RPS6KC1: variants seen among roughly 807,000 people sequenced by gnomAD.
RPS6KC1 encodes ribosomal protein S6 kinase C1, also known as inactive ribosomal protein S6 kinase delta-1.
A neutral mutation model predicts 103.8 loss-of-function variants in RPS6KC1; 54 were observed. The observed-to-expected ratio is 0.52, with a 90% CI of 0.42 to 0.65. The LOEUF (loss-of-function observed/expected upper bound fraction) is 0.65. RPS6KC1 is among the 30% of genes least tolerant of loss of function. The probability of loss-of-function intolerance (pLI) is 0.00; values close to 1 mark genes in which losing one functional copy is unlikely to be tolerated. For missense variants in RPS6KC1, 1,151 were observed against 1,253.8 expected, an observed-to-expected ratio of 0.92 and a Z score of 1.24; for synonymous variants, 439 against 438.7, an observed-to-expected ratio of 1.00 and a Z score of -0.01.
the RPS6KC1 span, among the ~76,000 whole-genome samples, chr1:213,862,512 A>AT: frequency 1.0e-3 from 150 of 150,114 alleles, no homozygotes; most frequent in African/African-American, 1.4e-3. Context: ...TAAAGCAGCG[A>AT]TTTTTTTTTT....
chr1:213,590,952 A>G, the RPS6KC1 span, among the ~76,000 whole-genome samples: 5 of 152,138 alleles, frequency 3.3e-5, no homozygotes, highest in East Asian at 7.7e-4. Context: ...TTAGTGGGAT[A>G]AACTGCAGCC....
the RPS6KC1 span, among the ~76,000 whole-genome samples, chr1:213,710,906 C>T: frequency 6.6e-6 from 1 of 152,148 alleles, no homozygotes; most frequent in Non-Finnish European, 1.5e-5. Flanking sequence ...GATGGGTTTC[C>T]CTGTATGGAT....
At chr1:213,472,524 T>C in the RPS6KC1 span, among the ~76,000 whole-genome samples, 1 of 152,224 alleles carries the variant, frequency 6.6e-6, no homozygotes, top group Non-Finnish European at 1.5e-5. Context: ...AAATCAGTGA[T>C]GTTTGATGTT....
the RPS6KC1 span, among the ~76,000 whole-genome samples, chr1:213,515,355 G>A: frequency 2.0e-5 from 3 of 152,106 alleles, no homozygotes; most frequent in African/African-American, 4.8e-5. Context: ...GGGTTTTTAC[G>A]TTGTTAGGTC....
the RPS6KC1 span, chr1:213,820,854 T>C: frequency 1.3e-5 from 2 of 152,074 alleles, no homozygotes; most frequent in South Asian, 2.1e-4. Context: ...GAGAGTTGTC[T>C]CTTATTTAAG....
chr1:213,164,423 A>T (rs1003128712), intron 6 of RPS6KC1, among the ~76,000 whole-genome samples: 1 of 152,212 alleles, frequency 6.6e-6, no homozygotes, highest in Admixed American at 6.5e-5. Context: ...CACACACTAT[A>T]ATCACCCTGT....
intron 3 of RPS6KC1, among the ~76,000 whole-genome samples, chr1:213,082,828 A>G (rs2080025199): frequency 6.6e-6 from 1 of 152,220 alleles, no homozygotes; most frequent in Non-Finnish European, 1.5e-5. Flanking sequence ...CTTCTGAGCA[A>G]ATATGGCCTA....
the RPS6KC1 span, among the ~76,000 whole-genome samples, chr1:213,711,799 G>A: frequency 6.6e-6 from 1 of 152,156 alleles, no homozygotes; most frequent in Non-Finnish European, 1.5e-5. Flanking sequence ...GTGTTTTCTG[G>A]AGGTCCACTC....
At chr1:213,065,763 G>A (rs1405313582) in intron 1 of RPS6KC1, among the ~76,000 whole-genome samples, 2 of 152,168 alleles carry the variant, frequency 1.3e-5, no homozygotes, top group Non-Finnish European at 2.9e-5. Flanking sequence ...AGCAGAGTAG[G>A]CACTAATATG....
At chr1:213,842,785 T>C in the RPS6KC1 span, among the ~76,000 whole-genome samples, 1 of 152,234 alleles carries the variant, frequency 6.6e-6, no homozygotes, top group Non-Finnish European at 1.5e-5. Context: ...TTAATCAATT[T>C]GTTGCATCAT....
chr1:213,643,554 T>G, the RPS6KC1 span, among the ~76,000 whole-genome samples: 4 of 152,094 alleles, frequency 2.6e-5, no homozygotes, highest in South Asian at 8.3e-4. Flanking sequence ...TCTTTTAGAT[T>G]GTTTTGATAT....
the RPS6KC1 span, among the ~76,000 whole-genome samples, chr1:213,487,950 T>G: frequency 1.3e-5 from 2 of 152,254 alleles, no homozygotes; most frequent in Non-Finnish European, 2.9e-5. Flanking sequence ...ATGCTGTCTC[T>G]AATACTGTCT....
the RPS6KC1 span, among the ~76,000 whole-genome samples, chr1:213,728,550 C>T: frequency 6.6e-6 from 1 of 152,112 alleles, no homozygotes; most frequent in Admixed American, 6.5e-5. Context: ...GTTTCTTCTT[C>T]TATAAATCGG....
intron 8 of RPS6KC1, among the ~76,000 whole-genome samples, chr1:213,230,196 A>G (rs796134760): frequency 4.8e-4 from 73 of 152,330 alleles, no homozygotes; most frequent in African/African-American, 1.7e-3. Context: ...TTCCAAGAGG[A>G]AAAACTCTGT....
intron 1 of RPS6KC1, among the ~76,000 whole-genome samples, chr1:213,059,271 C>A (rs189918617): frequency 3.0e-4 from 45 of 152,296 alleles, no homozygotes; most frequent in Admixed American, 1.2e-3. Context: ...CCTGCATAGA[C>A]AATCTGTGTT....
intron 2 of RPS6KC1, among the ~76,000 whole-genome samples, chr1:213,076,706 A>G (rs1351987880): frequency 6.6e-6 from 1 of 152,098 alleles, no homozygotes; most frequent in African/African-American, 2.4e-5. Flanking sequence ...CGTCTAATCT[A>G]GATGATATTT....
At chr1:213,446,151 C>G in the RPS6KC1 span, among the ~76,000 whole-genome samples, 1 of 152,200 alleles carries the variant, frequency 6.6e-6, no homozygotes, top group East Asian at 1.9e-4. Flanking sequence ...ACTTTCCACT[C>G]CAGCTTCCAG....
chr1:213,528,678 G>A, the RPS6KC1 span, among the ~76,000 whole-genome samples: 1 of 152,022 alleles, frequency 6.6e-6, no homozygotes, highest in Non-Finnish European at 1.5e-5. Context: ...GGTAGTATGA[G>A]GATGTTGATT....
chr1:213,742,162 T>TA, the RPS6KC1 span, among the ~76,000 whole-genome samples: 1 of 152,116 alleles, frequency 6.6e-6, no homozygotes, highest in Admixed American at 6.5e-5. Flanking sequence ...GCTAATATAA[T>TA]AAAAAATAAA....
Sources: allele counts gnomAD v4.1 joint callset (sites outside exome capture counted in the v4.1 genomes callset), GRCh38; gene constraint gnomAD v4.1.1; transcripts MANE v1.5; gene names NCBI Gene and HGNC (gene_info 2026-07-23, HGNC 2026-07-21).